The following SCLT1 variants were observed in gnomAD, a reference collection of about 807,000 sequenced individuals.
The protein encoded by SCLT1 is sodium channel and clathrin linker 1, also known as sodium channel-associated protein 1.
SCLT1 carries 78 observed loss-of-function variants against 112.8 expected under a neutral mutation model. The ratio of observed to expected loss-of-function variants is 0.69; its 90% CI spans 0.58 to 0.83. The LOEUF is 0.83. SCLT1 is among the 40% of genes least tolerant of loss of function. The pLI is 0.00. For missense variants in SCLT1, 747 were observed against 770.4 expected (o/e 0.97, Z 0.36); for synonymous variants, 257 against 254.7 (o/e 1.01, Z -0.09).
intron 9 of SCLT1, among the ~76,000 whole-genome samples, chr4:128,975,406 TA>T (rs1741077403): frequency 6.6e-6 from 1 of 152,116 alleles, no homozygotes; most frequent in Admixed American, 6.6e-5. Context: ...GGATAGGATA[TA>T]ATACTAGATT....
At chr4:128,877,932 T>C (rs1324116861) in intron 3 of SCLT1, among the ~76,000 whole-genome samples, 2 of 152,274 alleles carry the variant, frequency 1.3e-5, no homozygotes, top group African/African-American at 2.4e-5. Flanking sequence ...GTAACACACA[T>C]ACATACAAAC....
chr4:129,023,819 C>T (rs973421985), intron 5 of SCLT1, among the ~76,000 whole-genome samples: 7 of 152,180 alleles, frequency 4.6e-5, no homozygotes, highest in African/African-American at 1.7e-4. Flanking sequence ...CCTGGAAAAT[C>T]GGGTCACTCC....
intron 17 of SCLT1, among the ~76,000 whole-genome samples, chr4:128,940,557 T>C (rs2125986491): frequency 6.6e-6 from 1 of 152,162 alleles, no homozygotes; most frequent in Admixed American, 6.5e-5. Flanking sequence ...TATTTGGAAA[T>C]ATAGTTTTTA....
downstream of SCLT1, among the ~76,000 whole-genome samples, chr4:128,879,641 G>A (rs938427727): frequency 1.3e-5 from 2 of 152,130 alleles, no homozygotes; most frequent in Non-Finnish European, 2.9e-5. Flanking sequence ...GGTAATAAAT[G>A]CAAAATGTTA....
chr4:128,942,174 G>A (rs73850056), intron 17 of SCLT1, among the ~76,000 whole-genome samples: 1 of 151,904 alleles, frequency 6.6e-6, no homozygotes, highest in African/African-American at 2.4e-5. Context: ...GGAGTTCAAG[G>A]TTTTACAAAT....
At chr4:129,005,423 C>A (rs1172486852) in intron 5 of SCLT1, among the ~76,000 whole-genome samples, 1 of 152,158 alleles carries the variant, frequency 6.6e-6, no homozygotes, top group Non-Finnish European at 1.5e-5. Context: ...AAATGCTCAT[C>A]ATCACTGGCC....
chr4:128,909,614 T>A (rs1734941263), intron 18 of SCLT1, among the ~76,000 whole-genome samples: 2 of 152,246 alleles, frequency 1.3e-5, no homozygotes, highest in African/African-American at 4.8e-5. Flanking sequence ...ATTCAATAAT[T>A]TCTACTTCAC....
chr4:129,083,848 G>T (rs1164133349), intron 1 of SCLT1, among the ~76,000 whole-genome samples: 3 of 152,092 alleles, frequency 2.0e-5, no homozygotes, highest in Admixed American at 6.5e-5. Flanking sequence ...TAGAAAAACA[G>T]CACCAAATTA....
intron 2 of SCLT1, among the ~76,000 whole-genome samples, chr4:129,072,116 T>C (rs1025861140): frequency 6.6e-6 from 1 of 152,198 alleles, no homozygotes; most frequent in African/African-American, 2.4e-5. Flanking sequence ...ATAATTGTTT[T>C]GTCCGAAGAG....
At chr4:129,006,358 T>C (rs1426026897) in intron 5 of SCLT1, among the ~76,000 whole-genome samples, 1 of 151,678 alleles carries the variant, frequency 6.6e-6, no homozygotes, top group Non-Finnish European at 1.5e-5. Context: ...GCCAATGTGG[T>C]GAAACCCCGT....
intron 5 of SCLT1, among the ~76,000 whole-genome samples, chr4:129,005,737 T>C (rs1279551478): frequency 4.0e-5 from 6 of 151,190 alleles, no homozygotes; most frequent in Admixed American, 3.3e-4. Flanking sequence ...TGCGGCATTA[T>C]TCACAATAGC....
At chr4:128,963,816 G>A (rs1461114683) in intron 11 of SCLT1, among the ~76,000 whole-genome samples, 2 of 151,990 alleles carry the variant, frequency 1.3e-5, no homozygotes, top group Non-Finnish European at 2.9e-5. Context: ...TACACAAAAG[G>A]CATTGTTAAT....
intron 12 of SCLT1, 25 bp downstream of exon 12, chr4:128,959,575 T>C: frequency 6.4e-7 from 1 of 1,569,122 alleles, no homozygotes; most frequent in East Asian, 2.2e-5. Context: ...TTATTATATC[T>C]AAACATATTT....
chr4:129,081,335 C>A (rs1279212009), intron 2 of SCLT1, among the ~76,000 whole-genome samples: 1 of 152,210 alleles, frequency 6.6e-6, no homozygotes, highest in Non-Finnish European at 1.5e-5. Context: ...ATGAGCAAGG[C>A]TCTAACGCTC....
chr4:128,883,154 C>CAAA (rs1412985271), downstream of SCLT1, among the ~76,000 whole-genome samples: 16 of 37,474 alleles, frequency 4.3e-4, no homozygotes, highest in Admixed American at 9.0e-4. Flanking sequence ...ACAACAACAA[C>CAAA]AACAAAAAAA....
chr4:128,922,930 G>C (rs1735993991), intron 18 of SCLT1, among the ~76,000 whole-genome samples: 1 of 152,154 alleles, frequency 6.6e-6, no homozygotes. Flanking sequence ...GAAAAATAAA[G>C]AGGGTGAGAG....
chr4:129,092,766 T>A (rs1752961538), intron 1 of SCLT1, among the ~76,000 whole-genome samples: 1 of 152,218 alleles, frequency 6.6e-6, no homozygotes, highest in East Asian at 1.9e-4. Context: ...CCCTAGATTT[T>A]AAATGCACAC....
At chr4:129,031,214 CAT>C (rs2126144408) in intron 5 of SCLT1, among the ~76,000 whole-genome samples, 2 of 152,232 alleles carry the variant, frequency 1.3e-5, no homozygotes, top group South Asian at 4.2e-4. Flanking sequence ...ACAAAAACCA[CAT>C]GATTATCTCA....
At chr4:129,045,696 A>G (rs1748117174) in intron 2 of SCLT1, among the ~76,000 whole-genome samples, 1 of 152,064 alleles carries the variant, frequency 6.6e-6, no homozygotes, top group Non-Finnish European at 1.5e-5. Context: ...AGCATCTGTA[A>G]TGTTCTGGCT....
Sources: allele counts gnomAD v4.1 joint callset (sites outside exome capture counted in the v4.1 genomes callset), GRCh38; gene constraint gnomAD v4.1.1; transcripts MANE v1.5; gene names NCBI Gene and HGNC (gene_info 2026-07-23, HGNC 2026-07-21).